ESRRG: variants seen among roughly 807,000 people sequenced by gnomAD.
ESRRG encodes the protein estrogen-related receptor gamma.
A neutral mutation model predicts 44.0 loss-of-function variants in ESRRG; 13 were observed. The observed-to-expected ratio is 0.30, with a 90% confidence interval of 0.19 to 0.47. The LOEUF is 0.47. ESRRG is among the 20% of genes least tolerant of loss of function. The pLI, the probability that ESRRG is intolerant of heterozygous loss-of-function variation, is 1.00. For synonymous variants in ESRRG, 215 were observed against 214.6 expected (o/e 1.00, Z -0.02); for missense variants, 395 against 580.6 (o/e 0.68, Z 3.29).
chr1:217,032,675 G>A (rs1426601005), intron 1 of ESRRG, among the ~76,000 whole-genome samples: 4 of 152,092 alleles, frequency 2.6e-5, no homozygotes, highest in African/African-American at 9.7e-5. Flanking sequence ...ATTATTTGGG[G>A]GTGATTGTTT....
intron 1 of ESRRG, among the ~76,000 whole-genome samples, chr1:216,965,265 A>G (rs1244140201): frequency 6.6e-6 from 1 of 152,150 alleles, no homozygotes; most frequent in Admixed American, 6.5e-5. Context: ...ATGGCAAGAA[A>G]TTCAGACTTC....
At chr1:217,129,852 G>A (rs1442139636) in intron 1 of ESRRG, among the ~76,000 whole-genome samples, 5 of 152,084 alleles carry the variant, frequency 3.3e-5, no homozygotes, top group African/African-American at 7.2e-5. Flanking sequence ...CTTCCCTTTG[G>A]AGTGATAAAA....
At chr1:216,667,177 A>T (rs1411095788) in intron 2 of ESRRG, among the ~76,000 whole-genome samples, 1 of 152,178 alleles carries the variant, frequency 6.6e-6, no homozygotes, top group Non-Finnish European at 1.5e-5. Context: ...TCTATAGGGA[A>T]TTGATTTTAT....
intron 2 of ESRRG, among the ~76,000 whole-genome samples, chr1:216,821,111 G>T (rs367771942): frequency 3.7e-4 from 57 of 152,094 alleles, no homozygotes; most frequent in African/African-American, 1.4e-3. Flanking sequence ...GAATACATAG[G>T]GTTAGGCCAA....
At chr1:216,683,889 G>A (rs1393044332) in intron 1 of ESRRG, among the ~76,000 whole-genome samples, 2 of 152,006 alleles carry the variant, frequency 1.3e-5, no homozygotes, top group African/African-American at 4.8e-5. Context: ...CCATGTCCTG[G>A]ATACCCCTAA....
Position 217,113,847 on chromosome 1 carries a change from G to A in ESRRG, c.-230+23820C>T, listed in dbSNP as rs377132685. Among the ~76,000 whole-genome samples, 263 of 152,134 alleles carry A rather than the reference G, an allele frequency of 1.7e-3. 1 individual carries two copies. The highest frequency in any genetic ancestry group is 6.0e-3 in the African/African-American group (251 of 41,520). ...TCTACAAAAAATTTAAAAATAATTAGCTGGGTGTAGCGGTGCATGCCTGTA... is the reference window on the plus strand; with the variant it reads ...TCTACAAAAAATTTAAAAATAATTAACTGGGTGTAGCGGTGCATGCCTGTA... On this transcript the variant is annotated intron_variant, in intron 1 of 8. Transcript: ENST00000366940.
intron 5 of ESRRG, among the ~76,000 whole-genome samples, chr1:216,544,074 G>A (rs1461841509): frequency 6.6e-6 from 1 of 151,952 alleles, no homozygotes; most frequent in Non-Finnish European, 1.5e-5. Context: ...AGACAAAATA[G>A]GTGGATGATG....
chr1:216,588,489 A>G (rs1209133331), intron 3 of ESRRG, among the ~76,000 whole-genome samples: 6 of 152,236 alleles, frequency 3.9e-5, no homozygotes, highest in Admixed American at 2.6e-4. Flanking sequence ...GATATTTCAA[A>G]TATACTAGTC....
chr1:216,787,599 CAAAAAAAAAAAAA>C (rs34433548), intron 2 of ESRRG, among the ~76,000 whole-genome samples: 66 of 76,446 alleles, frequency 8.6e-4, no homozygotes, highest in Non-Finnish European at 1.4e-3. Flanking sequence ...AAGACTCCAT[CAAAAAAAAAAAAA>C]AAAAAAAAAA....
intron 2 of ESRRG, among the ~76,000 whole-genome samples, chr1:216,674,745 G>A (rs1014762503): frequency 3.3e-5 from 5 of 151,000 alleles, no homozygotes; most frequent in African/African-American, 1.2e-4. Flanking sequence ...CAGTAGCCAC[G>A]ACTACAGGTG....
chr1:216,687,677 A>T (rs951215647), intron 1 of ESRRG, among the ~76,000 whole-genome samples: 3 of 152,144 alleles, frequency 2.0e-5, no homozygotes, highest in Admixed American at 1.3e-4. Context: ...ATTTTAATTC[A>T]GAATCTCTAG....
At chr1:216,667,827 G>A (rs532967471) in intron 2 of ESRRG, among the ~76,000 whole-genome samples, 6 of 152,028 alleles carry the variant, frequency 3.9e-5, no homozygotes, top group East Asian at 3.9e-4. Flanking sequence ...GGCTGGGCGC[G>A]GTGGCTCACG....
chr1:216,881,101 A>T (rs1205507481), intron 2 of ESRRG, among the ~76,000 whole-genome samples: 4 of 152,230 alleles, frequency 2.6e-5, no homozygotes, highest in Admixed American at 2.0e-4. Flanking sequence ...TATGTACATT[A>T]CATGCTTTTT....
At chr1:216,807,705 C>A (rs897579758) in intron 2 of ESRRG, among the ~76,000 whole-genome samples, 4 of 130,184 alleles carry the variant, frequency 3.1e-5, no homozygotes, top group Non-Finnish European at 7.0e-5. Flanking sequence ...GATTCTCTAC[C>A]CTTTGCCAAT....
intron 2 of ESRRG, among the ~76,000 whole-genome samples, chr1:216,872,106 G>A (rs1487450419): frequency 6.6e-6 from 1 of 152,052 alleles, no homozygotes; most frequent in Non-Finnish European, 1.5e-5. Flanking sequence ...GTTCTTTTCA[G>A]CACCTTAAAA....
chr1:217,035,891 A>C (rs1579864091), intron 1 of ESRRG, among the ~76,000 whole-genome samples: 1 of 152,224 alleles, frequency 6.6e-6, no homozygotes. Context: ...GAATGAGAGA[A>C]AATTTTTGCA....
chr1:216,600,104 G>C (rs919105804), intron 3 of ESRRG, among the ~76,000 whole-genome samples: 77 of 152,152 alleles, frequency 5.1e-4, no homozygotes, highest in Admixed American at 1.3e-3. Context: ...CAGTCCATGA[G>C]GAAAACAAGC....
At chr1:217,093,709 C>T (rs904910483), upstream of ESRRG, among the ~76,000 whole-genome samples, 1 of 151,322 alleles carries the variant, frequency 6.6e-6, no homozygotes, top group African/African-American at 2.4e-5. Context: ...GCTTGAGCCC[C>T]GAAGTCAAGG....
intron 1 of ESRRG, among the ~76,000 whole-genome samples, chr1:217,027,361 C>G (rs1168369662): frequency 2.0e-5 from 3 of 152,150 alleles, no homozygotes; most frequent in African/African-American, 7.2e-5. Context: ...AATTATTGTC[C>G]TCTTTCCTTA....
Sources: allele counts gnomAD v4.1 joint callset (sites outside exome capture counted in the v4.1 genomes callset), GRCh38; gene constraint gnomAD v4.1.1; transcripts MANE v1.5; gene names NCBI Gene and HGNC (gene_info 2026-07-23, HGNC 2026-07-21).